Variants in RAPH1 observed in about 807,000 individuals in gnomAD.
The protein encoded by RAPH1 is ras-associated and pleckstrin homology domains-containing protein 1.
RAPH1 carries 18 observed loss-of-function variants against 88.1 expected under a neutral mutation model. The ratio of observed to expected loss-of-function variants is 0.20; its 90% confidence interval spans 0.14 to 0.30. The LOEUF (loss-of-function observed/expected upper bound fraction) is 0.30, where lower values mean the gene tolerates loss of function less well. Ranked by LOEUF, RAPH1 falls within the 10% of genes least tolerant of loss-of-function variation. The pLI is 1.00. For synonymous variants in RAPH1, 587 were observed against 559.0 expected, an observed-to-expected ratio of 1.05 and a Z score of -0.71; for missense variants, 1,448 against 1,543.2, an observed-to-expected ratio of 0.94 and a Z score of 1.03.
chr2:203,489,765 G>C lies in RAPH1; in HGVS notation c.551C>G (p.Thr184Ser). The C allele has an allele frequency of 6.2e-7, 1 of 1,614,164 alleles. No homozygotes were observed. The highest frequency in any genetic ancestry group is 8.5e-7 in the Non-Finnish European group (1 of 1,180,030). The stretch of plus-strand genomic sequence containing the variant: ...TGACGCGGTTCTTCTGTGCTGATTA[G>C]TTACTAAGGGTTTAGTATCTTCTAG... ...SVLEDTKPLV[T>S]NQHRRTASAG... is the part of the protein sequence containing the mutation. Residue 184 changes from threonine (T) to serine (S), a missense_variant, in exon 4 of 14, where the codon ACT becomes AGT. Physicochemically the swap from Thr to Ser is moderately conservative, Grantham distance 58 (BLOSUM62 1). Transcript: ENST00000319170.
chr2:203,448,201 A>G lies in RAPH1; in HGVS notation c.1513-122T>C. The stretch of plus-strand genomic sequence containing the variant: ...ATGGTCTGTATTAAAATTAATACCT[A>G]TGATAGTTCAAAAATTCCTCTAATA... On this transcript the variant is annotated intron_variant, in intron 11 of 13. Transcript: ENST00000319170. The surrounding 1 kb of genome is among the most constrained non-coding windows in gnomAD (Gnocchi z 4.1). 3 of 811,840 alleles carry G rather than the reference A, an allele frequency of 3.7e-6. No homozygotes were observed. Among genetic ancestry groups the G allele is most frequent in the Non-Finnish European group, 5.4e-6 (3 of 551,170 alleles). The allele number at this position is 811,840 out of a possible 1,614,324, so 50.3% of individuals were successfully genotyped here. A position where few individuals can be genotyped will look rare whatever the true frequency, so the allele number is the denominator to read the frequency against.
chr2:203,483,351 A>AG lies in RAPH1; in HGVS notation c.732+6232dup, dbSNP rs757835556. ...AGGCGGTGAGAAGTGATCACATTCT[A>AG]GACATATTCTGAAGATAAGGCCAAC... On this transcript the variant is annotated intron_variant, in intron 4 of 13. Transcript: ENST00000319170. 1.2e-4 allele frequency among the ~76,000 whole-genome samples: 18 copies of AG among 152,224 alleles called. 1 individual carries two copies. Among genetic ancestry groups the AG allele is most frequent in the Non-Finnish European group, 2.6e-4 (18 of 68,042 alleles).
chr2:203,514,624 G>C (rs1166944832), intron 1 of RAPH1, among the ~76,000 whole-genome samples: 1 of 151,682 alleles, frequency 6.6e-6, no homozygotes, highest in Non-Finnish European at 1.5e-5. Context: ...GCGTGATCTC[G>C]GCTCACTGCA....
intron 9 of RAPH1, 54 bp from the exon 10 acceptor site, chr2:203,454,594 ATATACCTGGT>A (rs2098517718): frequency 4.7e-6 from 6 of 1,286,126 alleles, no homozygotes; most frequent in Admixed American, 2.0e-5. Flanking sequence ...AAACAAGCAA[ATATACCTGGT>A]TAACATTTTC....
chr2:203,437,450 C>G lies in RAPH1; in HGVS notation c.*1987G>C, dbSNP rs1006057891. On this transcript the variant is annotated 3_prime_UTR_variant, in exon 14 of 14. Transcript: ENST00000319170. ...ATTCATGAATCACAGTAGCGCTTGG[C>G]AATCTACTCAAACATTACCCAAATT... 1 of 152,150 alleles carries G rather than the reference C, an allele frequency of 6.6e-6. No homozygotes were observed. The highest frequency in any genetic ancestry group is 1.5e-5 in the Non-Finnish European group (1 of 68,032). 9.4% of individuals were successfully genotyped at this position (152,150 alleles called of 1,614,324 possible). A position where few individuals can be genotyped will look rare whatever the true frequency, so the allele number is the denominator to read the frequency against.
At chr2:203,521,855 A>G (rs571868413) in intron 1 of RAPH1, among the ~76,000 whole-genome samples, 40 of 152,314 alleles carry the variant, frequency 2.6e-4, no homozygotes, top group African/African-American at 9.6e-4. Context: ...AGAATATACC[A>G]AAAATTTTAA....
Position 203,489,647 on chromosome 2 carries a change from A to G in RAPH1, c.669T>C (p.Asp223=). 1 of 1,613,864 alleles carries G rather than the reference A, an allele frequency of 6.2e-7. No individual in the cohort carries two copies. The highest frequency in any genetic ancestry group is 8.5e-7 in the Non-Finnish European group (1 of 1,179,830). ...CTTGAGGGCGTGTTACTTTATCAAT[A>G]TCCAAAGAGTCCATGCTGGAGGCTG... ...TSAASSMDSL[D]IDKVTRPQEL... The change falls in exon 4 of 14, where the codon GAT becomes GAC. Residue 223 remains aspartate, a synonymous_variant. Transcript: ENST00000319170.
chr2:203,461,079 G>A (rs997797327), intron 6 of RAPH1, among the ~76,000 whole-genome samples, 170 bp downstream of exon 6: 12 of 151,984 alleles, frequency 7.9e-5, no homozygotes, highest in African/African-American at 2.9e-4. Context: ...TCGTGCCATT[G>A]CACTTCAGTC....
chr2:203,506,898 A>T (rs1301136476), intron 1 of RAPH1, among the ~76,000 whole-genome samples: 6,346 of 87,764 alleles, frequency 0.072, 1,047 homozygotes, highest in African/African-American at 0.27. Flanking sequence ...ATATATATAT[A>T]TTTTTTTTTT....
At chr2:203,491,997 G>A (rs923767539) in intron 2 of RAPH1, among the ~76,000 whole-genome samples, 2 of 152,148 alleles carry the variant, frequency 1.3e-5, no homozygotes, top group African/African-American at 4.8e-5. Context: ...ACTTTGGCAG[G>A]CAGAGGCAGG....
Position 203,489,829 on chromosome 2 carries a change from C to T in RAPH1, c.487G>A (p.Ala163Thr). The T allele has an allele frequency of 6.2e-7, 1 of 1,614,212 alleles. No individual in the cohort carries two copies. The highest frequency in any genetic ancestry group is 8.5e-7 in the Non-Finnish European group (1 of 1,180,044). ...GCAGCCTCATCCATACTCAAAGAGGCCTGTTCTAACTGTGCAGTGACGTCG... is the reference window on the plus strand; with the variant it reads ...GCAGCCTCATCCATACTCAAAGAGGTCTGTTCTAACTGTGCAGTGACGTCG... ...LDDVTAQLEQ[A>T]SLSMDEAAQQ... Residue 163 changes from alanine to threonine, a missense_variant, in exon 4 of 14, where the codon GCC becomes ACC. Ala to Thr is a moderately conservative substitution (Grantham distance 58). Transcript: ENST00000319170.
chr2:203,459,670 A>G (rs1285930208), intron 7 of RAPH1, among the ~76,000 whole-genome samples: 1 of 151,942 alleles, frequency 6.6e-6, no homozygotes, highest in Non-Finnish European at 1.5e-5. Flanking sequence ...AAAACGGCTC[A>G]CCCCATCTGG....
chr2:203,500,504 A>G (rs1003454116), intron 1 of RAPH1, among the ~76,000 whole-genome samples: 2 of 152,166 alleles, frequency 1.3e-5, no homozygotes, highest in African/African-American at 4.8e-5. Context: ...TGTTATTCCA[A>G]TTGTGGTTTG....
At chr2:203,483,071 C>A (rs1332717641) in intron 4 of RAPH1, among the ~76,000 whole-genome samples, 1 of 151,938 alleles carries the variant, frequency 6.6e-6, no homozygotes, top group East Asian at 1.9e-4. Context: ...GGGTAAGGGA[C>A]AGAAGGAAGA....
intron 1 of RAPH1, among the ~76,000 whole-genome samples, chr2:203,530,229 T>C (rs1690328604): frequency 1.3e-5 from 2 of 152,200 alleles, no homozygotes; most frequent in Admixed American, 6.5e-5. Flanking sequence ...TTAAAAACTA[T>C]TTCACAACAA....
chr2:203,440,773 G>C lies in RAPH1; in HGVS notation c.2417C>G (p.Pro806Arg), dbSNP rs553326868. ...TTTTGCTGGGGGCACTGGAGGAGTA[G>C]GTGTGGGTGGTGCAGCTTGAGTCAC... The part of the protein sequence containing the change: ...PVVTQAAPPT[P>R]TPPVPPAKKQ... Residue 806 changes from proline to arginine, a missense_variant, in exon 14 of 14, where the codon CCT becomes CGT. Physicochemically the swap from Pro to Arg is moderately radical, Grantham distance 103 (BLOSUM62 -2). Around this residue, in one of 2 missense-constraint regions of RAPH1, gnomAD observed 935 missense variants for 890.1 expected, o/e 1.05. Coordinates refer to ENST00000319170, the MANE Select transcript of RAPH1 (RefSeq NM_213589.3). 8 of 1,611,694 alleles carry C rather than the reference G, an allele frequency of 5.0e-6. No individual in the cohort carries two copies. In the South Asian group the frequency reaches 8.8e-5, roughly 18 times the overall value.
chr2:203,456,575 A>C (rs1370401950), intron 8 of RAPH1, among the ~76,000 whole-genome samples: 2 of 152,218 alleles, frequency 1.3e-5, no homozygotes, highest in African/African-American at 4.8e-5. Context: ...AGAAATCCTC[A>C]GAAAACACTA....
chr2:203,507,080 A>G (rs1371547354), intron 1 of RAPH1, among the ~76,000 whole-genome samples: 1 of 150,408 alleles, frequency 6.6e-6, no homozygotes, highest in East Asian at 2.0e-4. Context: ...TATTTTTAGT[A>G]GAGACAGGGT....
intron 1 of RAPH1, among the ~76,000 whole-genome samples, chr2:203,524,981 T>C (rs1690048695): frequency 1.3e-5 from 2 of 152,224 alleles, no homozygotes; most frequent in African/African-American, 2.4e-5. Context: ...TGTATTGTTC[T>C]TCAATACAAA....
Sources: gnomAD v4.1 joint callset for allele counts (sites outside exome capture counted in the v4.1 genomes callset) on GRCh38, gnomAD v4.1.1 for gene constraint, gnomAD v4.1.1 regional missense constraint, Gnocchi (gnomAD v3.1) non-coding constraint, MANE v1.5 for transcripts, NCBI Gene and HGNC (gene_info 2026-07-23, HGNC 2026-07-21) for gene names.